The following HDAC4 variants were observed in gnomAD, a reference collection of about 807,000 sequenced individuals.
The protein encoded by HDAC4 is histone deacetylase A.
HDAC4 carries 16 observed loss-of-function variants against 135.1 expected under a neutral mutation model. The observed-to-expected ratio is 0.12, with a 90% CI of 0.08 to 0.18. HDAC4 has a LOEUF of 0.18. HDAC4 is among the 10% of genes least tolerant of loss of function. HDAC4 has a pLI of 1.00. For missense variants in HDAC4, 1,143 were observed against 1,511.8 expected, an observed-to-expected ratio of 0.76 and a Z score of 4.05; for synonymous variants, 685 against 653.4, an observed-to-expected ratio of 1.05 and a Z score of -0.74.
chr2:239,379,286 G>C (rs952065241), intron 1 of HDAC4, among the ~76,000 whole-genome samples: 9 of 152,144 alleles, frequency 5.9e-5, no homozygotes, highest in African/African-American at 2.2e-4. Context: ...TGCAAGTGCT[G>C]GCTCCCGCGC....
chr2:239,081,515 A>T (rs2035327399), intron 21 of HDAC4, among the ~76,000 whole-genome samples: 1 of 152,220 alleles, frequency 6.6e-6, no homozygotes, highest in South Asian at 2.1e-4. Flanking sequence ...TACATCAGGG[A>T]ATCAGACCTG....
chr2:239,123,979 G>A (rs141010243), intron 12 of HDAC4, among the ~76,000 whole-genome samples: 4 of 151,934 alleles, frequency 2.6e-5, no homozygotes, highest in Non-Finnish European at 4.4e-5. Flanking sequence ...ACCCAGGACC[G>A]GTCCTGAAAT....
chr2:239,304,943 CAGTT>C (rs903244794), intron 2 of HDAC4, among the ~76,000 whole-genome samples: 2 of 152,204 alleles, frequency 1.3e-5, no homozygotes, highest in Non-Finnish European at 2.9e-5. Flanking sequence ...GCAGAGAACA[CAGTT>C]AGCATCACAG....
At chr2:239,249,253 G>A (rs143174817) in intron 2 of HDAC4, among the ~76,000 whole-genome samples, 2 of 152,338 alleles carry the variant, frequency 1.3e-5, no homozygotes, top group African/African-American at 4.8e-5. Flanking sequence ...CTGCAGGTCC[G>A]AAGGCCATGG....
chr2:239,087,198 A>G (rs1490560943), intron 19 of HDAC4, among the ~76,000 whole-genome samples: 7 of 152,126 alleles, frequency 4.6e-5, no homozygotes, highest in Non-Finnish European at 4.4e-5. Context: ...CCATGCGCAA[A>G]ATGACCTGAG....
At position 239,334,534 on chromosome 2, in the gene HDAC4, A is replaced by G. The variant is rs537284068; in HGVS notation, c.22+18144T>C. On this transcript the variant is annotated intron_variant, in intron 2 of 26. Coordinates refer to ENST00000543185, the MANE Select transcript of HDAC4 (RefSeq NM_001378414.1). ...AGACTCCATCTCAAAACAAACAAAT[A>G]AAAAAAAACTAAGACCTCTATACTG... Among the ~76,000 whole-genome samples the G allele has an allele frequency of 2.0e-5, 3 of 151,796 alleles. No homozygotes were observed. In the South Asian group the frequency reaches 6.3e-4, roughly 32 times the overall value.
At chr2:239,382,403 C>G (rs980769461) in intron 1 of HDAC4, among the ~76,000 whole-genome samples, 1 of 152,234 alleles carries the variant, frequency 6.6e-6, no homozygotes, top group Non-Finnish European at 1.5e-5. Context: ...CTGATCTATT[C>G]TACCAATTTA....
chr2:239,273,748 C>T (rs1294353523), intron 2 of HDAC4, among the ~76,000 whole-genome samples: 1 of 152,232 alleles, frequency 6.6e-6, no homozygotes, highest in Non-Finnish European at 1.5e-5. Flanking sequence ...GGCCACACAA[C>T]AGGACAAGCC....
intron 2 of HDAC4, among the ~76,000 whole-genome samples, chr2:239,254,944 A>G (rs182690397): frequency 1.3e-5 from 2 of 152,386 alleles, no homozygotes; most frequent in African/African-American, 4.8e-5. Flanking sequence ...CAATGTTTCA[A>G]CAGCAACAAA....
At position 239,400,439 on chromosome 2, in the gene HDAC4, G is replaced by A. The variant is rs894816565; in HGVS notation, c.-220+539C>T. ...GCCGCTGCCTGCCGTGCCCACCCCCGCGCCCCCGCCCCGGCGGGCGAAGCC... is the reference window on the plus strand; with the variant it reads ...GCCGCTGCCTGCCGTGCCCACCCCCACGCCCCCGCCCCGGCGGGCGAAGCC... On this transcript the variant is annotated intron_variant, in intron 1 of 26. Coordinates refer to ENST00000543185, the MANE Select transcript of HDAC4 (RefSeq NM_001378414.1). The surrounding 1 kb of genome is among the most constrained non-coding windows in gnomAD (Gnocchi z 4.7). The A allele has an allele frequency of 1.4e-5, 2 of 145,710 alleles. 1 individual carries two copies. The highest frequency in any genetic ancestry group is 1.4e-4 in the Admixed American group (2 of 14,696). 9.0% of individuals were successfully genotyped at this position (145,710 alleles called of 1,614,324 possible).
intron 22 of HDAC4, among the ~76,000 whole-genome samples, chr2:239,080,456 C>T (rs1478275520): frequency 6.6e-6 from 1 of 152,228 alleles, no homozygotes; most frequent in African/African-American, 2.4e-5. Context: ...GCAGGTGAAG[C>T]TGCCATTTTA....
rs1575028496 is a variant in HDAC4, at chr2:239,101,301, GGTCTGTGACCCC to G, written c.2233+1463_2233+1474del. 2.6e-5 allele frequency among the ~76,000 whole-genome samples: 4 copies of G among 152,216 alleles called. No individual in the cohort carries two copies. In the East Asian group the frequency reaches 7.7e-4, roughly 29 times the overall value. On this transcript the variant is annotated intron_variant, in intron 16 of 26. Coordinates refer to ENST00000543185, the MANE Select transcript of HDAC4 (RefSeq NM_001378414.1). ...GTCCTCACAGCCCTACTGGCTCCAT[GGTCTGTGACCCC>G]GTCTGTACCTACAGGGCATCCAGTA...
At position 239,346,896 on chromosome 2, in the gene HDAC4, GTC is replaced by G. The variant is rs200234853; in HGVS notation, c.22+5780_22+5781del. 9.1e-3 allele frequency among the ~76,000 whole-genome samples: 732 copies of G among 80,402 alleles called. 5 individuals carry two copies. The highest frequency in any genetic ancestry group is 0.056 in the Middle Eastern group (5 of 90). The allele number at this position is 80,402 out of a possible 152,430, so 52.7% of individuals were successfully genotyped here. ...ACACACACCCTAACACACACACCCTGTCTCTCACACACACACCCTGTCTAAAA... is the reference window on the plus strand; with the variant it reads ...ACACACACCCTAACACACACACCCTGTCTCACACACACACCCTGTCTAAAA... On this transcript the variant is annotated intron_variant, in intron 2 of 26. Transcript: ENST00000543185.
chr2:239,121,338 C>T (rs1305736719), intron 12 of HDAC4, among the ~76,000 whole-genome samples: 4 of 152,126 alleles, frequency 2.6e-5, no homozygotes, highest in East Asian at 1.9e-4. Flanking sequence ...AGATGAATGG[C>T]GGTGGAGGTA....
At position 239,206,394 on chromosome 2, in the gene HDAC4, G is replaced by GCACACA. The variant is rs5839729; in HGVS notation, c.95-16323_95-16318dup. On this transcript the variant is annotated intron_variant, in intron 3 of 26. Transcript: ENST00000543185. ...CTGTTATATACATGCACACATACGT[G>GCACACA]CACACACACACACACACACACACAT... Among the ~76,000 whole-genome samples, 27 of 148,852 alleles carry GCACACA rather than the reference G, an allele frequency of 1.8e-4. No homozygotes were observed. The East Asian group carries it at 3.1e-3, about 17-fold the overall frequency.
chr2:239,071,400 A>T (rs2034187842), intron 22 of HDAC4, among the ~76,000 whole-genome samples: 1 of 152,044 alleles, frequency 6.6e-6, no homozygotes, highest in African/African-American at 2.4e-5. Flanking sequence ...GGCTGATAAG[A>T]GCAAAACTCC....
chr2:239,267,642 A>C (rs758539211), intron 2 of HDAC4, among the ~76,000 whole-genome samples: 38 of 152,270 alleles, frequency 2.5e-4, no homozygotes, highest in Non-Finnish European at 5.6e-4. Context: ...GCCAAGGCAG[A>C]CCTGGAGGGC....
intron 1 of HDAC4, among the ~76,000 whole-genome samples, chr2:239,382,595 C>T (rs1406562970): frequency 1.3e-5 from 2 of 152,232 alleles, no homozygotes; most frequent in African/African-American, 4.8e-5. Flanking sequence ...TCTACATGGG[C>T]CCCCAAACAG....
intron 12 of HDAC4, among the ~76,000 whole-genome samples, chr2:239,124,330 TC>T (rs1034249008): frequency 1.2e-4 from 18 of 152,318 alleles, no homozygotes; most frequent in Non-Finnish European, 2.4e-4. Context: ...CAGGCCTGGC[TC>T]CCACGAGTCT....
Sources: gnomAD v4.1 joint callset for allele counts (sites outside exome capture counted in the v4.1 genomes callset) on GRCh38, gnomAD v4.1.1 for gene constraint, Gnocchi (gnomAD v3.1) non-coding constraint, MANE v1.5 for transcripts, NCBI Gene and HGNC (gene_info 2026-07-23, HGNC 2026-07-21) for gene names.